The following PSD3 variants were observed in gnomAD, a reference collection of about 807,000 sequenced individuals.
PSD3 encodes pleckstrin and Sec7 domain containing 3.
In PSD3, 49 loss-of-function variants were observed where a neutral mutation model predicts 105.5. The ratio of observed to expected loss-of-function variants is 0.46; its 90% CI spans 0.37 to 0.59. The LOEUF is 0.59. Ranked by LOEUF, PSD3 falls within the 20% of genes least tolerant of loss-of-function variation. The probability of loss-of-function intolerance (pLI) is 0.00; values close to 1 mark genes in which losing one functional copy is unlikely to be tolerated. For missense variants in PSD3, 1,561 were observed against 1,263.8 expected (o/e 1.24, Z -3.57); for synonymous variants, 557 against 457.8 (o/e 1.22, Z -2.77).
intron 8 of PSD3, among the ~76,000 whole-genome samples, chr8:18,770,934 C>T (rs145842504): frequency 7.2e-5 from 11 of 152,234 alleles, no homozygotes; most frequent in East Asian, 3.9e-4. Context: ...ATTTTATTGC[C>T]GATGGAAGTG....
intron 1 of PSD3, among the ~76,000 whole-genome samples, chr8:19,072,350 G>C (rs986670760): frequency 1.3e-5 from 2 of 152,134 alleles, no homozygotes; most frequent in African/African-American, 4.8e-5. Context: ...GCCTCCCAAA[G>C]TGCTGGGATT....
At chr8:18,707,385 A>C (rs1483344354) in intron 9 of PSD3, among the ~76,000 whole-genome samples, 1 of 152,218 alleles carries the variant, frequency 6.6e-6, no homozygotes, top group East Asian at 1.9e-4. Context: ...AGAAGTGTTC[A>C]TGAAATTGAT....
chr8:18,942,661 G>C (rs1335614273), intron 1 of PSD3, among the ~76,000 whole-genome samples: 2 of 152,190 alleles, frequency 1.3e-5, no homozygotes, highest in Non-Finnish European at 2.9e-5. Context: ...ACTGAGAAAA[G>C]ACCATGTGAA....
At chr8:18,605,886 C>T (rs1450379072) in intron 11 of PSD3, among the ~76,000 whole-genome samples, 1 of 152,112 alleles carries the variant, frequency 6.6e-6, no homozygotes, top group Non-Finnish European at 1.5e-5. Context: ...TACCTTCCAC[C>T]ATAATTCTAA....
chr8:18,571,510 G>A (rs1381267189), intron 14 of PSD3, among the ~76,000 whole-genome samples: 3 of 152,028 alleles, frequency 2.0e-5, no homozygotes, highest in Admixed American at 6.6e-5. Flanking sequence ...CAGCTCTCTG[G>A]ACTTATCCTT....
intron 1 of PSD3, among the ~76,000 whole-genome samples, chr8:19,065,866 G>A (rs1462430749): frequency 6.6e-6 from 1 of 152,182 alleles, no homozygotes; most frequent in Non-Finnish European, 1.5e-5. Context: ...GGGTGGGGCT[G>A]AAAGTCCCAA....
chr8:18,833,382 T>C (rs576258224), intron 4 of PSD3, among the ~76,000 whole-genome samples: 1 of 152,308 alleles, frequency 6.6e-6, no homozygotes, highest in Non-Finnish European at 1.5e-5. Context: ...TTCCCTTTGC[T>C]TGAGGTCCAT....
At chr8:18,730,053 A>T (rs1042921667) in intron 9 of PSD3, 6 of 152,244 alleles carry the variant, frequency 3.9e-5, no homozygotes, top group Non-Finnish European at 7.3e-5. Flanking sequence ...ATCATACGGG[A>T]TACTAGCTAC....
intron 15 of PSD3, among the ~76,000 whole-genome samples, chr8:18,552,195 T>G (rs1800809395): frequency 6.6e-6 from 1 of 152,148 alleles, no homozygotes. Context: ...CTTCAGCAAT[T>G]CCCCTGTAGT....
At chr8:18,608,242 T>G (rs1805008563) in intron 11 of PSD3, among the ~76,000 whole-genome samples, 1 of 152,140 alleles carries the variant, frequency 6.6e-6, no homozygotes, top group Non-Finnish European at 1.5e-5. Context: ...ATTTAAGAGT[T>G]GATTCAGGAG....
Position 18,581,070 on chromosome 8 carries a change from A to G in PSD3, c.2482-5785T>C, listed in dbSNP as rs150961960. Among the ~76,000 whole-genome samples the G allele has an allele frequency of 3.2e-4, 49 of 152,324 alleles. No individual in the cohort carries two copies. In the East Asian group the frequency reaches 8.3e-3, roughly 26 times the overall value. On this transcript the variant is annotated intron_variant, in intron 12 of 15. Transcript: ENST00000327040. ...GACAGAAACTGAGAGAGAAACTCTG[A>G]AGCTTTGTGATAGCAAAGGCTTGTC... is the stretch of plus-strand genomic sequence containing the variant.
Position 18,920,150 on chromosome 8 carries a change from A to C in PSD3, c.130+15884T>G, listed in dbSNP as rs544991126. Among the ~76,000 whole-genome samples, 83 of 152,196 alleles carry C rather than the reference A, an allele frequency of 5.5e-4. 2 individuals carry two copies. The South Asian group carries it at 0.017, about 30-fold the overall frequency. On this transcript the variant is annotated intron_variant, in intron 2 of 15. Transcript: ENST00000327040. Reference sequence around the variant, plus strand: ...TCCAAAACTTCTACAGGACAATCTAATGTGCCCTGATGCTTAGGAACCATC... The same window carrying C: ...TCCAAAACTTCTACAGGACAATCTACTGTGCCCTGATGCTTAGGAACCATC...
chr8:19,051,253 C>T (rs73206426), intron 1 of PSD3, among the ~76,000 whole-genome samples: 2,564 of 126,654 alleles, frequency 0.02, 55 homozygotes, highest in Non-Finnish European at 0.032. Flanking sequence ...CGATAACCAG[C>T]GCTCGTCCTT....
rs76724083 is a variant in PSD3 at position 18,825,683 on chromosome 8, C to G, written c.1635-20785G>C. On this transcript the variant is annotated intron_variant, in intron 4 of 15. Coordinates refer to ENST00000327040, the MANE Select transcript of PSD3 (RefSeq NM_015310.4). ...CATACTTTGAACATTACTGTTTTAACTGATCAATATTTTCAATGGACTGAG... is the reference window on the plus strand; with the variant it reads ...CATACTTTGAACATTACTGTTTTAAGTGATCAATATTTTCAATGGACTGAG... Among the ~76,000 whole-genome samples, 41 of 152,318 alleles carry G rather than the reference C, an allele frequency of 2.7e-4. No individual in the cohort carries two copies. The East Asian group carries it at 7.1e-3, about 26-fold the overall frequency.
At chr8:19,036,416 C>G (rs983369160) in intron 1 of PSD3, among the ~76,000 whole-genome samples, 1 of 152,160 alleles carries the variant, frequency 6.6e-6, no homozygotes, top group African/African-American at 2.4e-5. Context: ...CTGTCATTGA[C>G]CTCTCAAGTC....
chr8:18,697,386 C>A (rs902396256), intron 9 of PSD3, among the ~76,000 whole-genome samples: 3 of 152,202 alleles, frequency 2.0e-5, no homozygotes, highest in African/African-American at 7.2e-5. Context: ...AGTGATAAGA[C>A]TCAAAACATT....
At chr8:19,005,612 G>A (rs1482293753) in intron 1 of PSD3, among the ~76,000 whole-genome samples, 1 of 151,882 alleles carries the variant, frequency 6.6e-6, no homozygotes, top group East Asian at 1.9e-4. Flanking sequence ...AGCCTCCTGA[G>A]TGGCTGCGAT....
intron 9 of PSD3, among the ~76,000 whole-genome samples, chr8:18,682,843 T>C (rs1475953298): frequency 1.3e-5 from 2 of 152,028 alleles, no homozygotes. Context: ...CTGATGTCAC[T>C]CTCAGTGGGT....
chr8:19,068,835 T>C (rs115659941), intron 1 of PSD3, among the ~76,000 whole-genome samples: 1 of 152,074 alleles, frequency 6.6e-6, no homozygotes, highest in Non-Finnish European at 1.5e-5. Context: ...CATCTGCAGT[T>C]GGGCTGGCTC....
Sources: allele counts gnomAD v4.1 joint callset (sites outside exome capture counted in the v4.1 genomes callset), GRCh38; gene constraint gnomAD v4.1.1; transcripts MANE v1.5; gene names NCBI Gene and HGNC (gene_info 2026-07-23, HGNC 2026-07-21).